Variants in TANGO6 observed in about 807,000 individuals in gnomAD.
TANGO6 encodes the protein transport and Golgi organization protein 6 homolog.
A neutral mutation model predicts 114.2 loss-of-function variants in TANGO6; 90 were observed. The ratio of observed to expected loss-of-function variants is 0.79; its 90% CI spans 0.66 to 0.94. The LOEUF (loss-of-function observed/expected upper bound fraction) is 0.94, where lower values mean the gene tolerates loss of function less well. Among genes scored for constraint, TANGO6 ranks in the 40% least tolerant of loss-of-function variants. The pLI, the probability that TANGO6 is intolerant of heterozygous loss-of-function variation, is 0.00. For missense variants in TANGO6, 1,274 were observed against 1,315.3 expected (o/e 0.97, Z 0.49); for synonymous variants, 477 against 509.8 (o/e 0.94, Z 0.87).
intron 4 of TANGO6, among the ~76,000 whole-genome samples, chr16:68,870,975 G>C (rs1157970417): frequency 6.7e-6 from 1 of 148,546 alleles, no homozygotes; most frequent in Non-Finnish European, 1.5e-5. Context: ...ATTTTTAGTA[G>C]AGACAGGGTT....
At chr16:69,050,493 T>C (rs1457374823) in intron 17 of TANGO6, among the ~76,000 whole-genome samples, 1 of 143,926 alleles carries the variant, frequency 6.9e-6, no homozygotes, top group Non-Finnish European at 1.6e-5. Context: ...CCCAGCTAAT[T>C]TTTTTTTTTT....
intron 1 of TANGO6, among the ~76,000 whole-genome samples, chr16:68,856,718 C>G (rs1961999891): frequency 1.3e-5 from 2 of 152,182 alleles, no homozygotes; most frequent in African/African-American, 4.8e-5. Context: ...TTAGGGTTCA[C>G]TGTTTGTGTT....
At chr16:68,920,988 A>G (rs1406617438) in intron 12 of TANGO6, among the ~76,000 whole-genome samples, 2 of 151,224 alleles carry the variant, frequency 1.3e-5, no homozygotes, top group African/African-American at 4.9e-5. Context: ...CTGTAGTCCC[A>G]GCTACTCGGG....
At chr16:68,951,612 CTTTT>C (rs869222437) in intron 14 of TANGO6, among the ~76,000 whole-genome samples, 3 of 133,502 alleles carry the variant, frequency 2.2e-5, no homozygotes, top group Non-Finnish European at 1.6e-5. Flanking sequence ...GGCCTCTGTT[CTTTT>C]TTTTTTTTTT....
chr16:68,989,722 TA>T (rs1447403662), intron 15 of TANGO6, among the ~76,000 whole-genome samples: 2 of 152,212 alleles, frequency 1.3e-5, no homozygotes, highest in Non-Finnish European at 2.9e-5. Context: ...TGGTTTCTGA[TA>T]TAATACCCTG....
intron 15 of TANGO6, among the ~76,000 whole-genome samples, chr16:69,010,539 C>G (rs901761599): frequency 6.6e-6 from 1 of 152,128 alleles, no homozygotes; most frequent in Non-Finnish European, 1.5e-5. Flanking sequence ...TATTTTGTCT[C>G]TCTACTCCTG....
chr16:69,047,180 C>G (rs75102714), intron 17 of TANGO6, among the ~76,000 whole-genome samples: 1 of 104,608 alleles, frequency 9.6e-6, no homozygotes, highest in African/African-American at 4.2e-5. Context: ...GACTCTGTCT[C>G]AAAAAAAAAA....
chr16:68,891,469 A>G (rs1345224399), intron 7 of TANGO6, among the ~76,000 whole-genome samples: 1 of 151,646 alleles, frequency 6.6e-6, no homozygotes, highest in Non-Finnish European at 1.5e-5. Context: ...CAAGAATTCA[A>G]AAAAAAGAAA....
chr16:68,928,005 T>C lies in TANGO6; in HGVS notation c.2565T>C (p.Ala855=), dbSNP rs1224351905. The C allele has an allele frequency of 1.2e-5, 20 of 1,610,804 alleles. No individual in the cohort carries two copies. Among genetic ancestry groups the C allele is most frequent in the Non-Finnish European group, 1.6e-5 (19 of 1,178,596 alleles). The change falls in exon 13 of 18, where the codon GCT becomes GCC. Residue 855 remains alanine (A), a synonymous_variant. Transcript: ENST00000261778. The stretch of plus-strand genomic sequence containing the variant: ...ATGACCCTCAAATTCCAACACGGGC[T>C]GCTGCCCTGCGTACTCTTTCCCACT... ...SAYDPQIPTR[A]AALRTLSHWI...
chr16:68,961,655 A>G (rs1397688949), intron 14 of TANGO6, among the ~76,000 whole-genome samples: 1 of 152,186 alleles, frequency 6.6e-6, no homozygotes, highest in Non-Finnish European at 1.5e-5. Context: ...TTTTCCCTCC[A>G]AGATGGGAAT....
At chr16:68,966,326 A>T (rs532187412) in intron 14 of TANGO6, among the ~76,000 whole-genome samples, 2 of 152,242 alleles carry the variant, frequency 1.3e-5, no homozygotes, top group Admixed American at 1.3e-4. Context: ...CAACATGGTG[A>T]AACCCCATCT....
intron 1 of TANGO6, chr16:68,846,590 G>C: frequency 4.3e-6 from 1 of 229,990 alleles, no homozygotes; most frequent in South Asian, 4.1e-5. Flanking sequence ...CCGCCTCCCA[G>C]GTTCAAGCAA....
intron 16 of TANGO6, among the ~76,000 whole-genome samples, chr16:69,032,875 CAAAAA>C (rs11300295): frequency 8.1e-6 from 1 of 124,100 alleles, no homozygotes. Flanking sequence ...GACTCCATCT[CAAAAA>C]AAAAAAAAAA....
intron 14 of TANGO6, among the ~76,000 whole-genome samples, chr16:68,967,602 A>G (rs1295533775): frequency 1.3e-5 from 2 of 152,188 alleles, no homozygotes; most frequent in Non-Finnish European, 2.9e-5. Context: ...CTATGTAGAG[A>G]TTTGCCTATT....
At chr16:68,919,243 C>G in intron 12 of TANGO6, 24 bp downstream of exon 12, 5 of 1,608,042 alleles carry the variant, frequency 3.1e-6, no homozygotes, top group Non-Finnish European at 4.2e-6. Context: ...ATGAGGCAAG[C>G]TTGAATGGAG....
At chr16:69,029,910 C>T (rs1221305192) in intron 16 of TANGO6, among the ~76,000 whole-genome samples, 4 of 151,704 alleles carry the variant, frequency 2.6e-5, no homozygotes, top group Non-Finnish European at 4.4e-5. Context: ...GAGTTCGAGA[C>T]CAGCCTGGCC....
chr16:68,908,602 C>T (rs1001509594), intron 10 of TANGO6, among the ~76,000 whole-genome samples: 1 of 152,052 alleles, frequency 6.6e-6, no homozygotes, highest in Non-Finnish European at 1.5e-5. Flanking sequence ...ATCACTTGAG[C>T]CCAGGAGGCA....
At chr16:68,915,312 G>A (rs1235882854) in intron 11 of TANGO6, among the ~76,000 whole-genome samples, 1 of 151,944 alleles carries the variant, frequency 6.6e-6, no homozygotes, top group Non-Finnish European at 1.5e-5. Flanking sequence ...TGTTGCCCAG[G>A]CTGGAGTGCA....
At chr16:68,895,817 A>AT (rs1350727041) in intron 7 of TANGO6, among the ~76,000 whole-genome samples, 1 of 152,174 alleles carries the variant, frequency 6.6e-6, no homozygotes, top group Non-Finnish European at 1.5e-5. Flanking sequence ...AAGAAACTGT[A>AT]TTTTTAAAAA....
Sources: gnomAD v4.1 joint callset for allele counts (sites outside exome capture counted in the v4.1 genomes callset) on GRCh38, gnomAD v4.1.1 for gene constraint, MANE v1.5 for transcripts, NCBI Gene and HGNC (gene_info 2026-07-23, HGNC 2026-07-21) for gene names.